CC2D2A: variants seen among roughly 807,000 people sequenced by gnomAD.
The protein encoded by CC2D2A is coiled-coil and C2 domain-containing protein 2A.
In CC2D2A, 155 loss-of-function variants were observed where a neutral mutation model predicts 212.9. The observed-to-expected ratio is 0.73, with a 90% CI of 0.64 to 0.83. The LOEUF (loss-of-function observed/expected upper bound fraction) is 0.83, where lower values mean the gene tolerates loss of function less well. Among genes scored for constraint, CC2D2A ranks in the 40% least tolerant of loss-of-function variants. The pLI, the probability that CC2D2A is intolerant of heterozygous loss-of-function variation, is 0.00. For synonymous variants in CC2D2A, 667 were observed against 686.5 expected (o/e 0.97, Z 0.44); for missense variants, 1,856 against 1,956.2 (o/e 0.95, Z 0.97).
chr4:15,546,126 C>G (rs2109044806), intron 17 of CC2D2A, among the ~76,000 whole-genome samples: 1 of 151,950 alleles, frequency 6.6e-6, no homozygotes, highest in Non-Finnish European at 1.5e-5. Flanking sequence ...AAAATTGGCC[C>G]CAAGAGAAGG....
intron 4 of CC2D2A, among the ~76,000 whole-genome samples, chr4:15,501,056 C>T (rs1408112354): frequency 6.6e-6 from 1 of 152,126 alleles, no homozygotes; most frequent in Non-Finnish European, 1.5e-5. Flanking sequence ...TCAAACTCCT[C>T]GTGTTGAAAC....
chr4:15,592,367 A>C (rs1416090059), intron 33 of CC2D2A, among the ~76,000 whole-genome samples: 1 of 152,146 alleles, frequency 6.6e-6, no homozygotes, highest in Non-Finnish European at 1.5e-5. Flanking sequence ...TTATAAGCAC[A>C]CTCAGACCTT....
rs1366742787 is a variant in CC2D2A at position 15,516,001 on chromosome 4, C to T, written c.1014C>T (p.Asp338=). 1 of 1,591,580 alleles carries T rather than the reference C, an allele frequency of 6.3e-7. No individual in the cohort carries two copies. Among genetic ancestry groups the T allele is most frequent in the Admixed American group, 1.8e-5 (1 of 56,994 alleles). Residue 338 remains aspartate (D), a synonymous_variant, in exon 10 of 37, where the codon GAC becomes GAT. Transcript: ENST00000424120. ...NIMENRLLMQ[D]PERRWFGDDG... ...TGGAGAACAGATTGCTGATGCAGGACCCCGTAAGTGTGCACCCTCTGCTCT... is the reference window on the plus strand; with the variant it reads ...TGGAGAACAGATTGCTGATGCAGGATCCCGTAAGTGTGCACCCTCTGCTCT...
chr4:15,481,934 A>C, intron 4 of CC2D2A: 4 of 985,470 alleles, frequency 4.1e-6, no homozygotes, highest in Non-Finnish European at 4.8e-6. Flanking sequence ...TTGAGGACAC[A>C]TATACTTCTC....
intron 23 of CC2D2A, among the ~76,000 whole-genome samples, chr4:15,561,887 T>G (rs909536145): frequency 1.3e-5 from 2 of 152,164 alleles, no homozygotes; most frequent in African/African-American, 4.8e-5. Context: ...TGACCTGAGT[T>G]TGAACCCCTG....
chr4:15,570,030 G>A (rs551195903), intron 27 of CC2D2A, among the ~76,000 whole-genome samples: 216 of 148,788 alleles, frequency 1.5e-3, no homozygotes, highest in Non-Finnish European at 2.7e-3. Flanking sequence ...TGAAATATTT[G>A]AAACTTGACA....
chr4:15,600,793 C>T (rs150666495), intron 36 of CC2D2A, among the ~76,000 whole-genome samples: 1 of 150,586 alleles, frequency 6.6e-6, no homozygotes, highest in Admixed American at 6.7e-5. Flanking sequence ...CCCAGCTACT[C>T]AGGAGGCTAA....
intron 6 of CC2D2A, among the ~76,000 whole-genome samples, chr4:15,509,277 C>CTTTT (rs34725428): frequency 1.4e-5 from 2 of 145,290 alleles, no homozygotes; most frequent in South Asian, 2.2e-4. Context: ...TGAGATAACA[C>CTTTT]TTTTTTTTTT....
chr4:15,598,295 A>C (rs568732423), intron 35 of CC2D2A, among the ~76,000 whole-genome samples: 6 of 152,364 alleles, frequency 3.9e-5, no homozygotes, highest in Middle Eastern at 3.4e-3. Context: ...GCACCAAAAA[A>C]GAAATGATCC....
chr4:15,555,069 C>T lies in CC2D2A; in HGVS notation c.2487-3C>T. 6.2e-7 allele frequency: 1 copy of T among 1,607,538 alleles called. No individual in the cohort carries two copies. Among genetic ancestry groups the T allele is most frequent in the South Asian group, 1.1e-5 (1 of 89,856 alleles). On this transcript the variant is annotated splice_polypyrimidine_tract_variant and splice_region_variant and intron_variant, in intron 19 of 36. Coordinates refer to ENST00000424120, the MANE Select transcript of CC2D2A (RefSeq NM_001378615.1). ...GTCTCATGGAATCAACTCTTCTTTT[C>T]AGTGCTTTGAAGAAAGCAGATGCCA...
intron 6 of CC2D2A, 59 bp from the exon 7 acceptor site, chr4:15,510,080 G>C: frequency 2.3e-6 from 3 of 1,318,002 alleles, no homozygotes; most frequent in South Asian, 2.5e-5. Flanking sequence ...CTTCATTTTA[G>C]AACAGCCTAA....
chr4:15,508,740 T>C (rs1224695018), intron 6 of CC2D2A, among the ~76,000 whole-genome samples: 2 of 152,202 alleles, frequency 1.3e-5, no homozygotes, highest in Admixed American at 6.5e-5. Flanking sequence ...GAAGGATATA[T>C]TGAAGGTCCC....
chr4:15,511,502 T>A, intron 8 of CC2D2A, 79 bp downstream of exon 8: 1 of 1,331,882 alleles, frequency 7.5e-7, no homozygotes, highest in Non-Finnish European at 9.8e-7. Context: ...AGAAAGAAAG[T>A]GGCTGAGGAG....
At chr4:15,572,009 T>A (rs1720190706) in intron 28 of CC2D2A, among the ~76,000 whole-genome samples, 1 of 152,146 alleles carries the variant, frequency 6.6e-6, no homozygotes, top group South Asian at 2.1e-4. Flanking sequence ...GTCATAAAAG[T>A]TTTCCTTGAA....
intron 33 of CC2D2A, among the ~76,000 whole-genome samples, chr4:15,593,747 C>A (rs1295326718): frequency 2.0e-5 from 3 of 152,208 alleles, no homozygotes; most frequent in Non-Finnish European, 4.4e-5. Context: ...CACAGTATAC[C>A]CAGCGTCCAA....
intron 13 of CC2D2A, among the ~76,000 whole-genome samples, chr4:15,530,470 T>C (rs1000169301): frequency 4.6e-5 from 7 of 152,120 alleles, no homozygotes; most frequent in Non-Finnish European, 1.5e-5. Context: ...TTGGCATACA[T>C]TAAGAAAAAA....
intron 11 of CC2D2A, among the ~76,000 whole-genome samples, chr4:15,521,780 T>C (rs928754137): frequency 6.6e-6 from 1 of 152,212 alleles, no homozygotes; most frequent in Non-Finnish European, 1.5e-5. Flanking sequence ...TTAAAAGAAA[T>C]TCCTTCTTTT....
Position 15,537,886 on chromosome 4 carries a change from T to A in CC2D2A, c.1765-13T>A. ...AATTCCTGTTTGATATCATGTTGCCTCTAACTCAACAGAGGGCCAAGAAGA... is the reference window on the plus strand; with the variant it reads ...AATTCCTGTTTGATATCATGTTGCCACTAACTCAACAGAGGGCCAAGAAGA... On this transcript the variant is annotated splice_polypyrimidine_tract_variant and intron_variant, in intron 15 of 36. Transcript: ENST00000424120. 3 of 1,579,682 alleles carry A rather than the reference T, an allele frequency of 1.9e-6. No homozygotes were observed. The South Asian group carries it at 3.5e-5, about 18-fold the overall frequency.
At chr4:15,513,871 G>A (rs1476299075) in intron 8 of CC2D2A, among the ~76,000 whole-genome samples, 1 of 152,156 alleles carries the variant, frequency 6.6e-6, no homozygotes, top group Non-Finnish European at 1.5e-5. Context: ...TTATTCTTTT[G>A]TGTACTTGGG....
Sources: allele counts gnomAD v4.1 joint callset (sites outside exome capture counted in the v4.1 genomes callset), GRCh38; gene constraint gnomAD v4.1.1; transcripts MANE v1.5; gene names NCBI Gene and HGNC (gene_info 2026-07-23, HGNC 2026-07-21).